Variants in NUP210L observed in about 807,000 individuals in gnomAD.
The protein encoded by NUP210L is nucleoporin 210 like, also known as nuclear pore membrane glycoprotein 210-like.
A neutral mutation model predicts 208.5 loss-of-function variants in NUP210L; 74 were observed. The observed-to-expected ratio is 0.35, with a 90% CI of 0.29 to 0.43. The LOEUF is 0.43. Among genes scored for constraint, NUP210L ranks in the 20% least tolerant of loss-of-function variants. The pLI is 1.00. For synonymous variants in NUP210L, 780 were observed against 816.9 expected, an observed-to-expected ratio of 0.95 and a Z score of 0.77; for missense variants, 1,843 against 2,289.4, an observed-to-expected ratio of 0.81 and a Z score of 3.98.
chr1:154,048,409 G>C lies in NUP210L; in HGVS notation c.3484-2040C>G, dbSNP rs369919952. ...AAGGAAATATTATAGCTATGTTTGA[G>C]CTTTTTCCTTTTAAAATACTTAAAG... On this transcript the variant is annotated intron_variant, in intron 25 of 39. Transcript: ENST00000368559. 4.6e-5 allele frequency among the ~76,000 whole-genome samples: 7 copies of C among 152,296 alleles called. No individual in the cohort carries two copies. In the East Asian group the frequency reaches 1.3e-3, roughly 29 times the overall value.
At chr1:154,154,010 C>T (rs1244433149) in intron 1 of NUP210L, among the ~76,000 whole-genome samples, 2 of 152,164 alleles carry the variant, frequency 1.3e-5, no homozygotes, top group Non-Finnish European at 2.9e-5. Flanking sequence ...TTCTCTCATA[C>T]CTTAGGCAAC....
chr1:154,095,412 C>A (rs1172140562), intron 14 of NUP210L, among the ~76,000 whole-genome samples: 2 of 152,154 alleles, frequency 1.3e-5, no homozygotes, highest in Non-Finnish European at 2.9e-5. Context: ...ACTTCTGCAT[C>A]CTCTAAGCTC....
At chr1:154,094,236 T>C (rs1328972133) in intron 15 of NUP210L, among the ~76,000 whole-genome samples, 3 of 152,126 alleles carry the variant, frequency 2.0e-5, no homozygotes, top group Admixed American at 6.6e-5. Context: ...TGAGCTGAGA[T>C]TGCACCACTG....
rs899242216 is a variant in NUP210L at position 154,154,662 on chromosome 1, C to A, written c.203+180G>T. The stretch of plus-strand genomic sequence containing the variant: ...GAGGATATACCACATGAGTAGGACA[C>A]GCCACACCCAAGGGTCTGCTCCTCG... On this transcript the variant is annotated intron_variant, in intron 1 of 39. Coordinates refer to ENST00000368559, the Ensembl canonical transcript of NUP210L. Among the ~76,000 whole-genome samples, 14 of 152,306 alleles carry A rather than the reference C, an allele frequency of 9.2e-5. No homozygotes were observed. In the East Asian group the frequency reaches 2.7e-3, roughly 29 times the overall value.
chr1:153,997,960 G>C (rs1236275608), intron 37 of NUP210L, among the ~76,000 whole-genome samples: 1 of 151,644 alleles, frequency 6.6e-6, no homozygotes, highest in African/African-American at 2.4e-5. Context: ...CACCCGGCTC[G>C]GCCATCCAAA....
At chr1:154,083,579 A>G (rs1035382807) in intron 16 of NUP210L, among the ~76,000 whole-genome samples, 17 of 152,076 alleles carry the variant, frequency 1.1e-4, no homozygotes, top group African/African-American at 4.1e-4. Flanking sequence ...CTCCAGGTAG[A>G]TAGTGTCAGA....
rs532846118 is a variant in NUP210L at position 154,090,984 on chromosome 1, C to A, written c.2188-1390G>T. ...ATTACCATATGATCAAGCAATTCCA[C>A]TTCTGGGTATATATACCCAAAACAA... On this transcript the variant is annotated intron_variant, in intron 15 of 39. Coordinates refer to ENST00000368559, the Ensembl canonical transcript of NUP210L. Among the ~76,000 whole-genome samples the A allele has an allele frequency of 7.9e-5, 12 of 151,650 alleles. No homozygotes were observed. In the East Asian group the frequency reaches 2.3e-3, roughly 29 times the overall value.
chr1:154,056,354 G>C (rs1653870800), intron 23 of NUP210L, among the ~76,000 whole-genome samples: 2 of 152,042 alleles, frequency 1.3e-5, no homozygotes, highest in African/African-American at 4.8e-5. Flanking sequence ...TTTATACAGA[G>C]AGACAAAACC....
intron 27 of NUP210L, among the ~76,000 whole-genome samples, chr1:154,041,161 C>T (rs1043260328): frequency 6.6e-6 from 1 of 151,566 alleles, no homozygotes; most frequent in Non-Finnish European, 1.5e-5. Flanking sequence ...GATGGGGTCT[C>T]ATTATGTTAT....
chr1:154,136,495 CAGAG>C (rs910709154), intron 6 of NUP210L, among the ~76,000 whole-genome samples: 4 of 150,314 alleles, frequency 2.7e-5, no homozygotes, highest in African/African-American at 7.3e-5. Flanking sequence ...TATATATATA[CAGAG>C]AGAGAGAGAA....
At chr1:154,013,395 G>A (rs1212084984) in intron 33 of NUP210L, among the ~76,000 whole-genome samples, 2 of 151,978 alleles carry the variant, frequency 1.3e-5, no homozygotes, top group Non-Finnish European at 2.9e-5. Context: ...CCAGCATGGC[G>A]AAACCTCACC....
In NUP210L at chr1:154,008,914, A is replaced by T. The variant is rs889353030; in HGVS notation, c.4930+1058T>A. Reference sequence around the variant, plus strand: ...AAGCACTACCTTATTTATACCTTACATTTTTTTTTTTTTGAGATGAAGTCT... The same window carrying T: ...AAGCACTACCTTATTTATACCTTACTTTTTTTTTTTTTTGAGATGAAGTCT... On this transcript the variant is annotated intron_variant, in intron 35 of 39. Transcript: ENST00000368559. Among the ~76,000 whole-genome samples the T allele has an allele frequency of 1.6e-4, 23 of 144,876 alleles. No homozygotes were observed. In the East Asian group the frequency reaches 3.4e-3, roughly 21 times the overall value.
At chr1:154,153,664 T>G (rs757875574) in intron 1 of NUP210L, among the ~76,000 whole-genome samples, 11 of 152,160 alleles carry the variant, frequency 7.2e-5, no homozygotes, top group Non-Finnish European at 1.6e-4. Context: ...CCGGCTGGTC[T>G]CAAACTCCTG....
intron 27 of NUP210L, among the ~76,000 whole-genome samples, chr1:154,034,966 T>C (rs1398672090): frequency 6.6e-6 from 1 of 151,542 alleles, no homozygotes; most frequent in African/African-American, 2.4e-5. Context: ...CTCAGCCTCC[T>C]GAGTAGCTAG....
At chr1:154,012,469 T>C in intron 33 of NUP210L, 99 bp from the exon 34 acceptor site, 1 of 1,126,922 alleles carries the variant, frequency 8.9e-7, no homozygotes, top group East Asian at 2.4e-5. Context: ...AAGTATCTGT[T>C]TCACACAAGT....
intron 38 of NUP210L, 69 bp from the exon 39 acceptor site, chr1:153,993,158 G>A: frequency 2.0e-6 from 2 of 985,542 alleles, no homozygotes; most frequent in South Asian, 1.5e-5. Context: ...GTCAACTCTA[G>A]AATGAGAATA....
chr1:154,033,980 A>G (rs1652395031), intron 27 of NUP210L, among the ~76,000 whole-genome samples: 1 of 151,950 alleles, frequency 6.6e-6, no homozygotes, highest in African/African-American at 2.4e-5. Flanking sequence ...CTGGAGTTCA[A>G]TGGCATGATC....
At chr1:154,139,555 G>A (rs1002493887) in intron 5 of NUP210L, among the ~76,000 whole-genome samples, 16 of 152,146 alleles carry the variant, frequency 1.1e-4, no homozygotes, top group African/African-American at 3.9e-4. Flanking sequence ...CTGGCCAGTT[G>A]TGTGGGCTCA....
rs1213732819 is a variant in NUP210L at position 154,072,327 on chromosome 1, CTTTTT to C, written c.2362-1867_2362-1863del. On this transcript the variant is annotated intron_variant, in intron 16 of 39. Transcript: ENST00000368559. ...TTTTTTATTTTAATTATGGCCATTC[CTTTTT>C]TTTTTTTTTTTTTTTTTTGAGACGG... Among the ~76,000 whole-genome samples the C allele has an allele frequency of 2.0e-4, 16 of 80,282 alleles. No homozygotes were observed. In the South Asian group the frequency reaches 5.9e-3, roughly 30 times the overall value. The allele number at this position is 80,282 out of a possible 152,430, so 52.7% of individuals were successfully genotyped here.
Sources: allele counts gnomAD v4.1 joint callset (sites outside exome capture counted in the v4.1 genomes callset), GRCh38; gene constraint gnomAD v4.1.1; transcripts MANE v1.5; gene names NCBI Gene and HGNC (gene_info 2026-07-23, HGNC 2026-07-21).